The following CAMKMT variants were observed in gnomAD, a reference collection of about 807,000 sequenced individuals.
CAMKMT encodes the protein calmodulin-lysine N-methyltransferase, also known as CaM KMT.
Under a neutral mutation model 48.0 loss-of-function variants are expected in CAMKMT, and 53 were observed. That is an observed-to-expected ratio of 1.10 (90% CI 0.89 to 1.39). The LOEUF (loss-of-function observed/expected upper bound fraction) is 1.39, where lower values mean the gene tolerates loss of function less well. Among genes scored for constraint, CAMKMT ranks in the 40% most tolerant of loss-of-function variants. The probability of loss-of-function intolerance (pLI) is 0.00; values close to 1 mark genes in which losing one functional copy is unlikely to be tolerated. For synonymous variants in CAMKMT, 165 were observed against 152.3 expected, an observed-to-expected ratio of 1.08 and a Z score of -0.61; for missense variants, 428 against 402.7, an observed-to-expected ratio of 1.06 and a Z score of -0.54.
At chr2:44,603,147 A>T (rs923223610) in intron 3 of CAMKMT, among the ~76,000 whole-genome samples, 1 of 152,034 alleles carries the variant, frequency 6.6e-6, no homozygotes, top group Non-Finnish European at 1.5e-5. Context: ...GGAGTGCAGC[A>T]GCATGATCTT....
At chr2:44,384,217 G>T (rs1054363921) in intron 2 of CAMKMT, among the ~76,000 whole-genome samples, 1 of 152,122 alleles carries the variant, frequency 6.6e-6, no homozygotes, top group South Asian at 2.1e-4. Context: ...GCTTTTCCCT[G>T]ATCACTAGTG....
intron 3 of CAMKMT, among the ~76,000 whole-genome samples, chr2:44,603,628 C>A (rs181310529): frequency 6.6e-6 from 1 of 152,284 alleles, no homozygotes; most frequent in East Asian, 1.9e-4. Context: ...TCTGGCCATT[C>A]CACCAAGGCT....
intron 3 of CAMKMT, among the ~76,000 whole-genome samples, chr2:44,587,949 A>C (rs1467031077): frequency 7.3e-5 from 8 of 108,916 alleles, no homozygotes; most frequent in African/African-American, 2.4e-4. Flanking sequence ...ATCGTCTGGG[A>C]TATGAGGAGC....
intron 3 of CAMKMT, among the ~76,000 whole-genome samples, chr2:44,610,086 T>C (rs904159587): frequency 6.6e-6 from 1 of 152,188 alleles, no homozygotes; most frequent in Non-Finnish European, 1.5e-5. Context: ...GAGGTTTATA[T>C]TATATACCTT....
intron 2 of CAMKMT, among the ~76,000 whole-genome samples, chr2:44,384,500 C>CTTTTTTTTTTTTTTTTTTT (rs141017634): frequency 1.0e-5 from 1 of 95,864 alleles, no homozygotes; most frequent in African/African-American, 3.4e-5. Context: ...AGCTATTTAT[C>CTTTTTTTTTTTTTTTTTTT]TTTTTTTTTT....
At chr2:44,756,698 C>T (rs1236688874) in intron 9 of CAMKMT, among the ~76,000 whole-genome samples, 2 of 149,838 alleles carry the variant, frequency 1.3e-5, no homozygotes, top group East Asian at 3.9e-4. Flanking sequence ...GCCGAGATCA[C>T]GTCACTGCAT....
intron 3 of CAMKMT, among the ~76,000 whole-genome samples, chr2:44,536,356 A>T (rs1666772995): frequency 6.7e-6 from 1 of 149,822 alleles, no homozygotes; most frequent in African/African-American, 2.5e-5. Context: ...GTGGAGTCTC[A>T]CTCTGTTGCC....
chr2:44,666,438 G>A (rs1233858846), intron 3 of CAMKMT, among the ~76,000 whole-genome samples: 1 of 151,924 alleles, frequency 6.6e-6, no homozygotes, highest in Non-Finnish European at 1.5e-5. Flanking sequence ...CCCCCAGAAT[G>A]CGATAAGCAG....
At chr2:44,384,345 C>T (rs776319149) in intron 2 of CAMKMT, among the ~76,000 whole-genome samples, 1 of 151,418 alleles carries the variant, frequency 6.6e-6, no homozygotes, top group African/African-American at 2.4e-5. Context: ...CTTACTGATT[C>T]GTTTGAGTTC....
At chr2:44,446,066 G>T (rs187247673) in intron 3 of CAMKMT, among the ~76,000 whole-genome samples, 1 of 151,976 alleles carries the variant, frequency 6.6e-6, no homozygotes, top group Admixed American at 6.6e-5. Context: ...TAAAGGGGTC[G>T]CTAGAGAACC....
At chr2:44,538,898 AAT>A (rs1360422730) in intron 3 of CAMKMT, among the ~76,000 whole-genome samples, 2 of 150,236 alleles carry the variant, frequency 1.3e-5, no homozygotes, top group Non-Finnish European at 3.0e-5. Flanking sequence ...TATACCAAAT[AAT>A]TGGTATACCA....
At chr2:44,688,388 C>T (rs1676455864) in intron 3 of CAMKMT, among the ~76,000 whole-genome samples, 1 of 151,898 alleles carries the variant, frequency 6.6e-6, no homozygotes, top group Non-Finnish European at 1.5e-5. Context: ...TCCTTCATAT[C>T]AATGAATAAT....
chr2:44,480,405 T>C (rs1572616277), intron 3 of CAMKMT, among the ~76,000 whole-genome samples: 1 of 152,128 alleles, frequency 6.6e-6, no homozygotes, highest in African/African-American at 2.4e-5. Flanking sequence ...ATTAAAAAAA[T>C]TTTCCCTGCT....
chr2:44,723,401 G>GAAA (rs1319392490), intron 7 of CAMKMT, among the ~76,000 whole-genome samples: 3 of 152,094 alleles, frequency 2.0e-5, no homozygotes, highest in African/African-American at 7.2e-5. Context: ...GACCTGCGTG[G>GAAA]CCAACATGGT....
chr2:44,490,784 A>G (rs1477195663), intron 3 of CAMKMT, among the ~76,000 whole-genome samples: 2 of 152,150 alleles, frequency 1.3e-5, no homozygotes, highest in Non-Finnish European at 2.9e-5. Flanking sequence ...TTCTTTATAA[A>G]GTGCTTAAAA....
intron 7 of CAMKMT, among the ~76,000 whole-genome samples, chr2:44,743,385 A>G (rs975424441): frequency 6.6e-6 from 1 of 152,232 alleles, no homozygotes; most frequent in Non-Finnish European, 1.5e-5. Context: ...ACAAAAACCT[A>G]TAAAAACTAG....
chr2:44,479,114 C>T (rs139750098), intron 3 of CAMKMT, among the ~76,000 whole-genome samples: 125 of 152,300 alleles, frequency 8.2e-4, no homozygotes, highest in African/African-American at 2.9e-3. Flanking sequence ...TATAACCTTG[C>T]TTAATATTAG....
intron 3 of CAMKMT, among the ~76,000 whole-genome samples, chr2:44,426,422 T>A (rs1684280180): frequency 6.6e-6 from 1 of 152,190 alleles, no homozygotes; most frequent in Non-Finnish European, 1.5e-5. Context: ...ACCATGTGGT[T>A]CTGTACCTAG....
chr2:44,679,545 A>C (rs1214023687), intron 3 of CAMKMT, among the ~76,000 whole-genome samples: 1 of 152,230 alleles, frequency 6.6e-6, no homozygotes, highest in Non-Finnish European at 1.5e-5. Flanking sequence ...AATGCCATTA[A>C]TGTTATACCC....
Sources: allele counts gnomAD v4.1 joint callset (sites outside exome capture counted in the v4.1 genomes callset), GRCh38; gene constraint gnomAD v4.1.1; transcripts MANE v1.5; gene names NCBI Gene and HGNC (gene_info 2026-07-23, HGNC 2026-07-21).